CCDC91: variants seen among roughly 807,000 people sequenced by gnomAD.
CCDC91 encodes coiled-coil domain containing 91, also known as coiled-coil domain-containing protein 91.
CCDC91 carries 48 observed loss-of-function variants against 63.2 expected under a neutral mutation model. That is an observed-to-expected ratio of 0.76 (90% CI 0.60 to 0.97). The LOEUF (loss-of-function observed/expected upper bound fraction) is 0.97, where lower values mean the gene tolerates loss of function less well. CCDC91 is among the 50% of genes least tolerant of loss of function. The probability of loss-of-function intolerance (pLI) is 0.00; values close to 1 mark genes in which losing one functional copy is unlikely to be tolerated. For missense variants in CCDC91, 500 were observed against 494.6 expected (o/e 1.01, Z -0.10); for synonymous variants, 167 against 165.8 (o/e 1.01, Z -0.06).
intron 8 of CCDC91, among the ~76,000 whole-genome samples, chr12:28,428,085 A>C (rs1028152782): frequency 2.0e-5 from 3 of 152,144 alleles, no homozygotes; most frequent in Non-Finnish European, 4.4e-5. Context: ...TTTATCAAGC[A>C]ATCTGTCTTT....
intron 12 of CCDC91, among the ~76,000 whole-genome samples, chr12:28,547,166 C>T (rs188104634): frequency 1.3e-5 from 2 of 152,160 alleles, no homozygotes; most frequent in Admixed American, 1.3e-4. Context: ...CAAAAGTAGA[C>T]AGAAATCACT....
chr12:28,219,293 C>G (rs1366556137), intron 1 of CCDC91, among the ~76,000 whole-genome samples: 1 of 151,896 alleles, frequency 6.6e-6, no homozygotes, highest in Non-Finnish European at 1.5e-5. Flanking sequence ...ATTAGGTTAT[C>G]TTATTATTTA....
At chr12:28,490,661 A>G (rs1304211279) in intron 12 of CCDC91, among the ~76,000 whole-genome samples, 1 of 151,894 alleles carries the variant, frequency 6.6e-6, no homozygotes, top group Non-Finnish European at 1.5e-5. Context: ...AACAGATTTT[A>G]AAGGTTTTAT....
chr12:28,411,893 G>A (rs1947339426), intron 8 of CCDC91, among the ~76,000 whole-genome samples: 1 of 152,084 alleles, frequency 6.6e-6, no homozygotes. Flanking sequence ...TTCAGAAGAA[G>A]GCATCACACC....
chr12:28,501,610 A>C (rs1256512690), intron 12 of CCDC91, among the ~76,000 whole-genome samples: 2 of 150,784 alleles, frequency 1.3e-5, no homozygotes, highest in African/African-American at 4.8e-5. Flanking sequence ...TCAGTTTGCC[A>C]GTATTTTATT....
At chr12:28,234,758 GTT>G (rs112846782) in intron 1 of CCDC91, among the ~76,000 whole-genome samples, 1 of 143,108 alleles carries the variant, frequency 7.0e-6, no homozygotes. Context: ...TAATTTGAAA[GTT>G]TTTTTTTTTT....
chr12:28,349,043 AT>A (rs1943009967), intron 6 of CCDC91, among the ~76,000 whole-genome samples: 1 of 152,056 alleles, frequency 6.6e-6, no homozygotes, highest in African/African-American at 2.4e-5. Context: ...TTCAATTGAT[AT>A]TTTTATATGA....
chr12:28,259,231 C>A, intron 2 of CCDC91, 133 bp from the exon 3 acceptor site: 1 of 651,442 alleles, frequency 1.5e-6, no homozygotes, highest in Non-Finnish European at 2.8e-6. Flanking sequence ...GACTGAAAAG[C>A]AGTTATTTAG....
chr12:28,302,079 T>C (rs1329282198), intron 3 of CCDC91, among the ~76,000 whole-genome samples: 1 of 151,962 alleles, frequency 6.6e-6, no homozygotes, highest in Non-Finnish European at 1.5e-5. Context: ...TTTTCTTTTT[T>C]GTTTCTTTTT....
chr12:28,538,902 C>A (rs1294980065), intron 12 of CCDC91, among the ~76,000 whole-genome samples: 5 of 152,202 alleles, frequency 3.3e-5, no homozygotes, highest in Admixed American at 1.3e-4. Context: ...GCATAAATGT[C>A]TTCTTTTGAG....
At chr12:28,476,210 C>G (rs1951080313) in intron 11 of CCDC91, among the ~76,000 whole-genome samples, 1 of 152,000 alleles carries the variant, frequency 6.6e-6, no homozygotes, top group Non-Finnish European at 1.5e-5. Context: ...CAAAATTGAC[C>G]ACATAGTTGG....
chr12:28,355,263 T>C (rs1943446835), intron 6 of CCDC91, among the ~76,000 whole-genome samples: 3 of 152,256 alleles, frequency 2.0e-5, no homozygotes, highest in Non-Finnish European at 4.4e-5. Context: ...GTTTCTTTCC[T>C]ATTGGAGCAC....
At chr12:28,484,002 T>TA in intron 11 of CCDC91, 50 bp from the exon 12 acceptor site, 1 of 1,050,192 alleles carries the variant, frequency 9.5e-7, no homozygotes, top group African/African-American at 1.6e-5. Context: ...TGGACACAGA[T>TA]ATGTCATAGT....
rs565652248 is a variant in CCDC91 at position 28,411,924 on chromosome 12, G to T, written c.762+20513G>T. Among the ~76,000 whole-genome samples the T allele has an allele frequency of 3.3e-5, 5 of 152,242 alleles. No homozygotes were observed. In the East Asian group the frequency reaches 9.7e-4, roughly 29 times the overall value. ...ACACCATTCATGAGGGATCCACTCC[G>T]ATAACCCAGACACCTCTCACTAGGC... On this transcript the variant is annotated intron_variant, in intron 8 of 12. Coordinates refer to ENST00000536442, the MANE Select transcript of CCDC91 (RefSeq NM_018318.5).
intron 3 of CCDC91, among the ~76,000 whole-genome samples, chr12:28,285,653 C>T (rs1948868839): frequency 1.3e-5 from 2 of 151,452 alleles, no homozygotes; most frequent in Non-Finnish European, 2.9e-5. Flanking sequence ...ATGAACCCTG[C>T]CAGTGTTTAT....
At chr12:28,364,911 A>G (rs1175353072) in intron 7 of CCDC91, among the ~76,000 whole-genome samples, 1 of 152,164 alleles carries the variant, frequency 6.6e-6, no homozygotes, top group Non-Finnish European at 1.5e-5. Context: ...CTTCGTTGCA[A>G]AATTTTACAT....
chr12:28,446,509 T>C (rs1949508210), intron 8 of CCDC91, among the ~76,000 whole-genome samples: 1 of 152,168 alleles, frequency 6.6e-6, no homozygotes, highest in Non-Finnish European at 1.5e-5. Flanking sequence ...ATATAGTTTT[T>C]TGTAGTTTTA....
intron 12 of CCDC91, among the ~76,000 whole-genome samples, chr12:28,532,372 CA>C (rs1483902312): frequency 1.3e-5 from 2 of 151,638 alleles, no homozygotes; most frequent in Admixed American, 6.6e-5. Context: ...TGAAGGGACT[CA>C]AAAAAATTGT....
At chr12:28,535,880 T>A (rs1592988228) in intron 12 of CCDC91, among the ~76,000 whole-genome samples, 1 of 151,802 alleles carries the variant, frequency 6.6e-6, no homozygotes, top group Non-Finnish European at 1.5e-5. Context: ...ATACAAAAAT[T>A]TAGCCGGACA....
Sources: gnomAD v4.1 joint callset for allele counts (sites outside exome capture counted in the v4.1 genomes callset) on GRCh38, gnomAD v4.1.1 for gene constraint, MANE v1.5 for transcripts, NCBI Gene and HGNC (gene_info 2026-07-23, HGNC 2026-07-21) for gene names.